Variants in AUTS2 observed in about 807,000 individuals in gnomAD.
AUTS2 encodes autism susceptibility gene 2 protein.
A neutral mutation model predicts 112.4 loss-of-function variants in AUTS2; 17 were observed. That is an observed-to-expected ratio of 0.15 (90% CI 0.10 to 0.23). AUTS2 has a LOEUF of 0.23. Ranked by LOEUF, AUTS2 falls within the 10% of genes least tolerant of loss-of-function variation. The pLI is 1.00. For missense variants in AUTS2, 1,510 were observed against 1,701.6 expected, an observed-to-expected ratio of 0.89 and a Z score of 1.98; for synonymous variants, 751 against 702.7, an observed-to-expected ratio of 1.07 and a Z score of -1.09.
At chr7:69,690,350 G>C (rs1377739601) in intron 1 of AUTS2, among the ~76,000 whole-genome samples, 1 of 152,188 alleles carries the variant, frequency 6.6e-6, no homozygotes, top group African/African-American at 2.4e-5. Context: ...CACTTTTCCA[G>C]CTGGAAACCT....
At chr7:69,714,354 T>C (rs1272513675) in intron 1 of AUTS2, among the ~76,000 whole-genome samples, 2 of 150,784 alleles carry the variant, frequency 1.3e-5, no homozygotes, top group African/African-American at 4.9e-5. Context: ...TCGATCCTCC[T>C]GCCTCAGCCT....
chr7:70,662,375 T>A (rs1807121356), intron 5 of AUTS2, among the ~76,000 whole-genome samples: 1 of 152,144 alleles, frequency 6.6e-6, no homozygotes, highest in Admixed American at 6.5e-5. Context: ...AGAAATGTCT[T>A]AAGGGAAGGA....
At chr7:70,447,598 T>C in intron 5 of AUTS2, among the ~76,000 whole-genome samples, 1 of 152,162 alleles carries the variant, frequency 6.6e-6, no homozygotes, top group East Asian at 1.9e-4. Flanking sequence ...AGAGGCAGGT[T>C]TCAAACCCAG....
rs985663753 is a variant in AUTS2 at position 69,599,608 on chromosome 7, C to T, written c.-46C>T. On this transcript the variant is annotated 5_prime_UTR_variant, in exon 1 of 19. Transcript: ENST00000342771. The surrounding 1 kb of genome is among the most constrained non-coding windows in gnomAD (Gnocchi z 7.0). ...CAATTTTTTTTTGTGTGGCTGCGGC[C>T]GTAGCCTGTGGCGGGCAAGCGGGGA... The T allele has an allele frequency of 3.2e-6, 4 of 1,265,932 alleles. No homozygotes were observed. The highest frequency in any genetic ancestry group is 1.6e-5 in the African/African-American group (1 of 64,300). 78.4% of individuals were successfully genotyped at this position (1,265,932 alleles called of 1,614,324 possible).
intron 3 of AUTS2, among the ~76,000 whole-genome samples, chr7:70,132,135 C>T (rs949183363): frequency 2.8e-4 from 29 of 102,292 alleles, no homozygotes; most frequent in Admixed American, 2.7e-3. Flanking sequence ...ATCCTGAAAT[C>T]AAAACTGAAT....
At chr7:70,772,891 C>T (rs1001220012) in intron 11 of AUTS2, among the ~76,000 whole-genome samples, 2 of 152,244 alleles carry the variant, frequency 1.3e-5, no homozygotes, top group Admixed American at 1.3e-4. Context: ...CTAGGTTACA[C>T]CAAATCTCTG....
rs984700449 is a variant in AUTS2 at position 70,095,689 on chromosome 7, T to A, written c.523-22443T>A. ...ACAAATAATAATACAGTTATACACT[T>A]AAAATTTTTATATTGCCTTTGTATT... is the stretch of plus-strand genomic sequence containing the variant. On this transcript the variant is annotated intron_variant, in intron 2 of 18. Coordinates refer to ENST00000342771, the MANE Select transcript of AUTS2 (RefSeq NM_015570.4). Among the ~76,000 whole-genome samples the A allele has an allele frequency of 3.3e-4, 50 of 152,208 alleles. 1 individual carries two copies. The highest frequency in any genetic ancestry group is 1.6e-3 in the Admixed American group (24 of 15,276).
chr7:70,185,160 T>C (rs1183054970), intron 4 of AUTS2, among the ~76,000 whole-genome samples: 1 of 152,116 alleles, frequency 6.6e-6, no homozygotes, highest in Admixed American at 6.5e-5. Flanking sequence ...GGGAACTTAT[T>C]TGCAACACCC....
At chr7:69,823,432 G>A (rs1276896207) in intron 1 of AUTS2, among the ~76,000 whole-genome samples, 2 of 152,164 alleles carry the variant, frequency 1.3e-5, no homozygotes, top group Non-Finnish European at 2.9e-5. Flanking sequence ...GAGCCTGCTT[G>A]TTGAACTGTA....
At chr7:69,857,530 T>G (rs1414767628) in intron 1 of AUTS2, among the ~76,000 whole-genome samples, 1 of 152,246 alleles carries the variant, frequency 6.6e-6, no homozygotes, top group Admixed American at 6.5e-5. Flanking sequence ...TACCTCATTC[T>G]CTGAAGGGAG....
chr7:70,721,347 G>A (rs991596321), intron 6 of AUTS2, among the ~76,000 whole-genome samples: 3 of 149,596 alleles, frequency 2.0e-5, no homozygotes, highest in Non-Finnish European at 4.4e-5. Flanking sequence ...TGCCCAGGCT[G>A]GAGTGCAATG....
chr7:69,794,663 G>A (rs1464645919), intron 1 of AUTS2, among the ~76,000 whole-genome samples: 3 of 151,858 alleles, frequency 2.0e-5, no homozygotes, highest in Admixed American at 2.0e-4. Context: ...TTTTTTTAAT[G>A]TCACTATTTT....
intron 2 of AUTS2, among the ~76,000 whole-genome samples, chr7:70,006,830 C>T (rs918142204): frequency 6.6e-6 from 1 of 152,130 alleles, no homozygotes; most frequent in Non-Finnish European, 1.5e-5. Flanking sequence ...CAAGCCCCAT[C>T]TCTGTGGATG....
intron 1 of AUTS2, among the ~76,000 whole-genome samples, chr7:69,817,414 C>G (rs1008031166): frequency 1.3e-5 from 2 of 152,158 alleles, no homozygotes; most frequent in Non-Finnish European, 2.9e-5. Flanking sequence ...TGTGTATAAC[C>G]TCTTTGAGGA....
chr7:69,697,608 A>G (rs939913378), intron 1 of AUTS2, among the ~76,000 whole-genome samples: 2 of 152,154 alleles, frequency 1.3e-5, no homozygotes, highest in African/African-American at 4.8e-5. Context: ...GCAGCTTAGG[A>G]TTTTGTTAGT....
At chr7:70,534,778 A>T (rs2129500514) in intron 5 of AUTS2, among the ~76,000 whole-genome samples, 1 of 152,174 alleles carries the variant, frequency 6.6e-6, no homozygotes, top group Non-Finnish European at 1.5e-5. Flanking sequence ...ACATTTTGTT[A>T]CCTGTGAACA....
chr7:70,687,301 A>G (rs1337119353), intron 5 of AUTS2, among the ~76,000 whole-genome samples: 1 of 152,210 alleles, frequency 6.6e-6, no homozygotes, highest in African/African-American at 2.4e-5. Flanking sequence ...CACAGTTCTC[A>G]TCACATGCAC....
intron 4 of AUTS2, among the ~76,000 whole-genome samples, chr7:70,326,341 A>G (rs1399903039): frequency 6.6e-6 from 1 of 152,072 alleles, no homozygotes; most frequent in Non-Finnish European, 1.5e-5. Context: ...TGCCTCAGCC[A>G]CCTAATCTCT....
At chr7:70,572,378 A>G (rs1480332864) in intron 5 of AUTS2, among the ~76,000 whole-genome samples, 1 of 148,248 alleles carries the variant, frequency 6.7e-6, no homozygotes, top group Non-Finnish European at 1.5e-5. Flanking sequence ...CATGCTGTTG[A>G]AATGGCAGGA....
Sources: gnomAD v4.1 joint callset for allele counts (sites outside exome capture counted in the v4.1 genomes callset) on GRCh38, gnomAD v4.1.1 for gene constraint, Gnocchi (gnomAD v3.1) non-coding constraint, MANE v1.5 for transcripts, NCBI Gene and HGNC (gene_info 2026-07-23, HGNC 2026-07-21) for gene names.